Variants in PHC3 observed in about 807,000 individuals in gnomAD.
PHC3 encodes polyhomeotic-like protein 3.
A neutral mutation model predicts 107.4 loss-of-function variants in PHC3; 13 were observed. The observed-to-expected ratio is 0.12, with a 90% CI of 0.08 to 0.19. PHC3 has a LOEUF of 0.19. Among genes scored for constraint, PHC3 ranks in the 10% least tolerant of loss-of-function variants. PHC3 has a pLI of 1.00. For synonymous variants in PHC3, 456 were observed against 427.4 expected, an observed-to-expected ratio of 1.07 and a Z score of -0.83; for missense variants, 992 against 1,210.9, an observed-to-expected ratio of 0.82 and a Z score of 2.68.
Position 170,097,420 on chromosome 3 carries a change from A to C in PHC3, c.2834-36T>G. On this transcript the variant is annotated intron_variant, in intron 14 of 14. Transcript: ENST00000495893. This position sits in a 1 kb window ranked among gnomAD's most constrained non-coding sequence, Gnocchi z 4.1. ...ACCAGAGGACAGAAGTTAGAATTAAATATACAACAATTAGACATTACTCCT... is the reference window on the plus strand; with the variant it reads ...ACCAGAGGACAGAAGTTAGAATTAACTATACAACAATTAGACATTACTCCT... 1 of 1,593,606 alleles carries C rather than the reference A, an allele frequency of 6.3e-7. No individual in the cohort carries two copies. Among genetic ancestry groups the C allele is most frequent in the Non-Finnish European group, 8.6e-7 (1 of 1,167,148 alleles).
At chr3:170,124,895 T>C (rs996784727) in intron 8 of PHC3, among the ~76,000 whole-genome samples, 7 of 152,252 alleles carry the variant, frequency 4.6e-5, no homozygotes, top group Admixed American at 2.0e-4. Context: ...AAGGTAACAA[T>C]AGGTGACAAT....
chr3:170,156,650 T>G (rs564222893), intron 4 of PHC3, among the ~76,000 whole-genome samples: 2 of 151,546 alleles, frequency 1.3e-5, no homozygotes, highest in South Asian at 2.1e-4. Flanking sequence ...CAGGCTGGAG[T>G]GCAGTGGCGC....
intron 4 of PHC3, among the ~76,000 whole-genome samples, chr3:170,149,675 C>T (rs1725577738): frequency 6.6e-6 from 1 of 152,080 alleles, no homozygotes; most frequent in African/African-American, 2.4e-5. Context: ...AGGCTGGTCT[C>T]GAACTCCTGA....
intron 4 of PHC3, among the ~76,000 whole-genome samples, chr3:170,166,827 G>GCTAA (rs1451753656): frequency 6.6e-6 from 1 of 151,890 alleles, no homozygotes; most frequent in East Asian, 1.9e-4. Context: ...ACCACACCTG[G>GCTAA]CTAATTTCTT....
chr3:170,097,479 AATCT>A lies in PHC3; in HGVS notation c.2834-99_2834-96del. 1.7e-6 allele frequency: 2 copies of A among 1,186,928 alleles called. No individual in the cohort carries two copies. Among genetic ancestry groups the A allele is most frequent in the Non-Finnish European group, 2.3e-6 (2 of 880,844 alleles). The allele number at this position is 1,186,928 out of a possible 1,614,324, so 73.5% of individuals were successfully genotyped here. A position where few individuals can be genotyped will look rare whatever the true frequency, so the allele number is the denominator to read the frequency against. On this transcript the variant is annotated intron_variant, in intron 14 of 14. Transcript: ENST00000495893. The surrounding 1 kb of genome is among the most constrained non-coding windows in gnomAD (Gnocchi z 4.1). ...CAGTTATGCTCTCACTGGGTCTGAGAATCTGAAATACAGGCTGAGAAACAAATGA... is the reference window on the plus strand; with the variant it reads ...CAGTTATGCTCTCACTGGGTCTGAGAGAAATACAGGCTGAGAAACAAATGA...
At chr3:170,099,719 C>CA (rs1444022950) in intron 14 of PHC3, among the ~76,000 whole-genome samples, 1 of 152,132 alleles carries the variant, frequency 6.6e-6, no homozygotes, top group African/African-American at 2.4e-5. Context: ...ACACCCTGCA[C>CA]AAAAATTGAC....
chr3:170,134,861 G>A (rs1722809326), intron 7 of PHC3, among the ~76,000 whole-genome samples: 1 of 152,130 alleles, frequency 6.6e-6, no homozygotes, highest in African/African-American at 2.4e-5. Flanking sequence ...CAGTATATAA[G>A]TAACTATAAA....
chr3:170,152,664 CTTCT>C (rs1726200133), intron 4 of PHC3, among the ~76,000 whole-genome samples: 1 of 150,336 alleles, frequency 6.7e-6, no homozygotes, highest in Admixed American at 6.6e-5. Context: ...TGACACTTTT[CTTCT>C]TTTTTTTTTT....
intron 2 of PHC3, chr3:170,176,837 G>A: frequency 2.2e-6 from 1 of 446,050 alleles, no homozygotes; most frequent in East Asian, 7.0e-5. Context: ...TTAATCCTCA[G>A]AGTAATTAAT....
chr3:170,152,022 G>A (rs1047901359), intron 4 of PHC3, among the ~76,000 whole-genome samples: 7 of 151,978 alleles, frequency 4.6e-5, no homozygotes, highest in Admixed American at 4.6e-4. Context: ...AAACTGTATA[G>A]TAGGCACATG....
rs760405560 is a variant in PHC3 at position 170,106,893 on chromosome 3, T to C, written c.2407A>G (p.Met803Val). ...CGCAAAAATTCATTAGCATATCCCATTTTCCCACAGAATTCACACTTGAGC... is the reference window on the plus strand; with the variant it reads ...CGCAAAAATTCATTAGCATATCCCACTTTCCCACAGAATTCACACTTGAGC... ...ELLKCEFCGK[M>V]GYANEFLRSK... Residue 803 changes from methionine to valine, a missense_variant, in exon 12 of 15, where the codon ATG (methionine) becomes GTG (valine). Coordinates refer to ENST00000495893, the MANE Select transcript of PHC3 (RefSeq NM_024947.4). 6.2e-7 allele frequency: 1 copy of C among 1,612,128 alleles called. No individual in the cohort carries two copies. The highest frequency in any genetic ancestry group is 1.3e-5 in the African/African-American group (1 of 74,984).
intron 9 of PHC3, among the ~76,000 whole-genome samples, chr3:170,118,215 T>C (rs1291641577): frequency 1.3e-5 from 2 of 152,134 alleles, no homozygotes; most frequent in African/African-American, 4.8e-5. Flanking sequence ...TTAAATGAAA[T>C]GGGGTCATGA....
rs757187374 is a variant in PHC3, at chr3:170,102,662, C to T, written c.2650G>A (p.Asp884Asn). 1.9e-6 allele frequency: 3 copies of T among 1,613,970 alleles called. No individual in the cohort carries two copies. The South Asian group carries it at 3.3e-5, about 18-fold the overall frequency. ...GTTGTCATAGCAGATGGCACAGAAT[C>T]TTCATGAGAAGCCAAGTCTTCTTCT... ...SAEEDLASHE[D>N]SVPSAMTTRL... is the part of the protein sequence containing the mutation. The change falls in exon 14 of 15, where the codon GAT (aspartate) becomes AAT (asparagine). Residue 884 changes from aspartate to asparagine, a missense_variant. Around this residue, in one of 6 missense-constraint regions of PHC3, gnomAD observed 228 missense variants for 288.8 expected, o/e 0.79. Transcript: ENST00000495893.
rs1330699386 is a variant in PHC3 at position 170,133,570 on chromosome 3, T to A, written c.919+2849A>T. On this transcript the variant is annotated intron_variant, in intron 7 of 14. Transcript: ENST00000495893. ...GAAGATATGAATGGCTTTGAATAAC[T>A]GCAGTGTAAGGCTTAAGAAACTTTT... 7.9e-5 allele frequency among the ~76,000 whole-genome samples: 12 copies of A among 152,214 alleles called. 1 individual carries two copies. The highest frequency in any genetic ancestry group is 1.5e-5 in the Non-Finnish European group (1 of 68,038).
In PHC3 at chr3:170,122,623, C is replaced by T; in HGVS notation, c.1910G>A (p.Gly637Glu). 6.2e-7 allele frequency: 1 copy of T among 1,613,956 alleles called. No homozygotes were observed. Among genetic ancestry groups the T allele is most frequent in the Non-Finnish European group, 8.5e-7 (1 of 1,179,860 alleles). ...LSPAAITVGRGEDLTSEHPLL... is the reference protein window; with the variant it reads ...LSPAAITVGREEDLTSEHPLL... ...AGGATGTTCAGAAGTCAAATCTTCT[C>T]CTCTCCCCACTGTTATAGCTGCTGG... Residue 637 changes from glycine to glutamate, a missense_variant, in exon 9 of 15, where the codon GGA becomes GAA. This residue lies in a region of PHC3 where 543 missense variants were observed against 590.8 expected (regional missense o/e 0.92). Coordinates refer to ENST00000495893, the MANE Select transcript of PHC3 (RefSeq NM_024947.4).
intron 12 of PHC3, 85 bp downstream of exon 12, chr3:170,106,747 C>A (rs560733322): frequency 1.6e-5 from 11 of 690,620 alleles, no homozygotes; most frequent in Non-Finnish European, 2.6e-5. Flanking sequence ...CTATAGTTAT[C>A]CTTGGTAAGC....
intron 8 of PHC3, among the ~76,000 whole-genome samples, chr3:170,127,639 T>C (rs890218934): frequency 6.6e-6 from 1 of 152,212 alleles, no homozygotes; most frequent in Non-Finnish European, 1.5e-5. Context: ...AAAACAAGTA[T>C]TAATAATAAA....
chr3:170,139,350 A>C (rs866431149), intron 6 of PHC3, among the ~76,000 whole-genome samples: 2 of 152,226 alleles, frequency 1.3e-5, no homozygotes, highest in African/African-American at 4.8e-5. Context: ...AAAAACATCA[A>C]CAAGTATCTA....
At chr3:170,143,842 C>T (rs1373295007) in intron 6 of PHC3, among the ~76,000 whole-genome samples, 1 of 152,130 alleles carries the variant, frequency 6.6e-6, no homozygotes, top group East Asian at 1.9e-4. Context: ...CCCAATCAAT[C>T]TCCTCCTACT....
Sources: gnomAD v4.1 joint callset for allele counts (sites outside exome capture counted in the v4.1 genomes callset) on GRCh38, gnomAD v4.1.1 for gene constraint, gnomAD v4.1.1 regional missense constraint, Gnocchi (gnomAD v3.1) non-coding constraint, MANE v1.5 for transcripts, NCBI Gene and HGNC (gene_info 2026-07-23, HGNC 2026-07-21) for gene names.